PLCZ1: variants seen among roughly 807,000 people sequenced by gnomAD.
PLCZ1 encodes 1-phosphatidylinositol 4,5-bisphosphate phosphodiesterase zeta-1.
A neutral mutation model predicts 76.8 loss-of-function variants in PLCZ1; 64 were observed. The ratio of observed to expected loss-of-function variants is 0.83; its 90% confidence interval spans 0.68 to 1.03. The LOEUF (loss-of-function observed/expected upper bound fraction) is 1.03, where lower values mean the gene tolerates loss of function less well. PLCZ1 is among the 50% of genes least tolerant of loss of function. PLCZ1 has a pLI of 0.00. For synonymous variants in PLCZ1, 248 were observed against 230.8 expected (o/e 1.07, Z -0.68); for missense variants, 751 against 713.7 (o/e 1.05, Z -0.60).
intron 6 of PLCZ1, among the ~76,000 whole-genome samples, chr12:18,705,601 C>T (rs1197118249): frequency 1.3e-5 from 2 of 152,114 alleles, no homozygotes; most frequent in Admixed American, 6.5e-5. Context: ...CTCAGTGGCT[C>T]ACAACTGTAA....
chr12:18,710,483 T>C (rs1957165726), intron 6 of PLCZ1, among the ~76,000 whole-genome samples: 1 of 151,916 alleles, frequency 6.6e-6, no homozygotes, highest in Non-Finnish European at 1.5e-5. Context: ...TTGTGAGTCA[T>C]TGTACAAATT....
chr12:18,690,638 T>TA (rs1402508850), intron 12 of PLCZ1, among the ~76,000 whole-genome samples: 11 of 152,266 alleles, frequency 7.2e-5, no homozygotes, highest in Admixed American at 1.3e-4. Flanking sequence ...CAGAGGGTGT[T>TA]ACGGAAAACA....
At position 18,737,614 on chromosome 12, in the gene PLCZ1, T is replaced by C. The variant is rs1215988844; in HGVS notation, c.-138-105A>G. 9.8e-6 allele frequency: 6 copies of C among 615,366 alleles called. No individual in the cohort carries two copies. In the East Asian group the frequency reaches 1.7e-4, roughly 18 times the overall value. 38.1% of individuals were successfully genotyped at this position (615,366 alleles called of 1,614,324 possible). A position where few individuals can be genotyped will look rare whatever the true frequency, so the allele number is the denominator to read the frequency against. ...AGTATGCAAGATGTGGTACCTGCAC[T>C]ACCCTGCCCTTGAAACTGTTTGGCT... is the stretch of plus-strand genomic sequence containing the variant. On this transcript the variant is annotated intron_variant, in intron 1 of 14. Transcript: ENST00000266505.
At chr12:18,669,074 T>C in the PLCZ1 span, among the ~76,000 whole-genome samples, 1 of 152,226 alleles carries the variant, frequency 6.6e-6, no homozygotes, top group Non-Finnish European at 1.5e-5. Flanking sequence ...GTCTCTGTTC[T>C]GCATTTTCAT....
chr12:18,723,103 T>C (rs1025417667), intron 4 of PLCZ1, among the ~76,000 whole-genome samples: 7 of 151,994 alleles, frequency 4.6e-5, no homozygotes, highest in Non-Finnish European at 1.0e-4. Context: ...GAACAATGTA[T>C]AGGAAAGGAT....
chr12:18,713,545 T>C (rs901273171), intron 5 of PLCZ1, among the ~76,000 whole-genome samples: 1 of 152,166 alleles, frequency 6.6e-6, no homozygotes, highest in African/African-American at 2.4e-5. Flanking sequence ...CTACACAGTA[T>C]GGAAGCTAGA....
chr12:18,703,342 A>T (rs10743282), intron 7 of PLCZ1, among the ~76,000 whole-genome samples: 69,055 of 151,902 alleles, frequency 0.45, 18,008 homozygotes, highest in South Asian at 0.61. Context: ...TTCACTTGAA[A>T]ATTTTTCACT....
chr12:18,706,213 C>A (rs1051520862), intron 6 of PLCZ1, among the ~76,000 whole-genome samples: 3 of 147,928 alleles, frequency 2.0e-5, no homozygotes, highest in African/African-American at 7.5e-5. Context: ...GCCTGGGTGA[C>A]GGAATGAGAC....
chr12:18,657,600 C>A, the PLCZ1 span, among the ~76,000 whole-genome samples: 1 of 151,952 alleles, frequency 6.6e-6, no homozygotes, highest in Non-Finnish European at 1.5e-5. Flanking sequence ...CTAAGCTAAC[C>A]GAAAAGAGAA....
downstream of PLCZ1, among the ~76,000 whole-genome samples, chr12:18,680,345 C>T (rs1220309133): frequency 6.6e-6 from 1 of 151,998 alleles, no homozygotes; most frequent in Non-Finnish European, 1.5e-5. Flanking sequence ...GTATAAGGGA[C>T]ATGTTTTACA....
At chr12:18,650,299 C>T in the PLCZ1 span, among the ~76,000 whole-genome samples, 4 of 12,930 alleles carry the variant, frequency 3.1e-4, no homozygotes, top group South Asian at 0.031. Context: ...AAATTTCTCT[C>T]TCTCTCTCTC....
chr12:18,698,020 TA>T, intron 10 of PLCZ1, among the ~76,000 whole-genome samples: 1 of 151,518 alleles, frequency 6.6e-6, no homozygotes. Context: ...GTAATACAAT[TA>T]TAATTAATTT....
At chr12:18,698,048 TCCTGTCCTCATGAACAACATGAGGA>T (rs937118754) in intron 10 of PLCZ1, among the ~76,000 whole-genome samples, 45 of 151,820 alleles carry the variant, frequency 3.0e-4, no homozygotes, top group African/African-American at 7.5e-4. Context: ...TGCCTACAGG[TCCTGTCCTCATGAACAACATGAGGA>T]CCTGTCCTCA....
chr12:18,711,685 A>T (rs1205531203), intron 6 of PLCZ1, among the ~76,000 whole-genome samples: 1 of 151,974 alleles, frequency 6.6e-6, no homozygotes, highest in Non-Finnish European at 1.5e-5. Flanking sequence ...GAGATGGGGA[A>T]GATCGTGGCG....
At chr12:18,681,183 C>G (rs76382964), downstream of PLCZ1, among the ~76,000 whole-genome samples, 5,928 of 151,986 alleles carry the variant, frequency 0.039, 389 homozygotes, top group African/African-American at 0.14. Context: ...CTCCTAGCAA[C>G]ACTAAAGTCT....
the PLCZ1 span, among the ~76,000 whole-genome samples, chr12:18,653,635 AC>A: frequency 6.6e-6 from 1 of 152,182 alleles, no homozygotes; most frequent in Non-Finnish European, 1.5e-5. Flanking sequence ...ACTGGAGGAG[AC>A]AAAACCAAAC....
the PLCZ1 span, among the ~76,000 whole-genome samples, chr12:18,659,430 T>A: frequency 6.6e-6 from 1 of 152,164 alleles, no homozygotes; most frequent in Admixed American, 6.6e-5. Flanking sequence ...CTATCATCCC[T>A]GCATACTTAG....
chr12:18,708,032 T>A (rs1001167253), intron 6 of PLCZ1, among the ~76,000 whole-genome samples: 1 of 152,208 alleles, frequency 6.6e-6, no homozygotes, highest in African/African-American at 2.4e-5. Context: ...GCAGCTAAAA[T>A]CTATTCATTC....
chr12:18,703,357 T>G (rs566501524), intron 7 of PLCZ1, among the ~76,000 whole-genome samples: 21 of 152,312 alleles, frequency 1.4e-4, no homozygotes, highest in Non-Finnish European at 2.4e-4. Context: ...TTCACTGATT[T>G]AAATAAAATG....
Sources: allele counts gnomAD v4.1 joint callset (sites outside exome capture counted in the v4.1 genomes callset), GRCh38; gene constraint gnomAD v4.1.1; transcripts MANE v1.5; gene names NCBI Gene and HGNC (gene_info 2026-07-23, HGNC 2026-07-21).